The following PTPRK variants were observed in gnomAD, a reference collection of about 807,000 sequenced individuals.
PTPRK encodes protein tyrosine phosphatase receptor type K.
A neutral mutation model predicts 178.0 loss-of-function variants in PTPRK; 75 were observed. The ratio of observed to expected loss-of-function variants is 0.42; its 90% CI spans 0.35 to 0.51. The LOEUF is 0.51. Among genes scored for constraint, PTPRK ranks in the 20% least tolerant of loss-of-function variants. The pLI, the probability that PTPRK is intolerant of heterozygous loss-of-function variation, is 0.02. For missense variants in PTPRK, 1,441 were observed against 1,797.8 expected (o/e 0.80, Z 3.59); for synonymous variants, 637 against 620.6 (o/e 1.03, Z -0.39).
At chr6:128,468,504 C>G (rs1046342653) in intron 1 of PTPRK, among the ~76,000 whole-genome samples, 3 of 152,122 alleles carry the variant, frequency 2.0e-5, no homozygotes, top group Non-Finnish European at 4.4e-5. Context: ...GAATTTGCCT[C>G]TACTTGGACT....
chr6:128,350,937 G>A (rs1490667951), intron 2 of PTPRK, among the ~76,000 whole-genome samples: 1 of 152,150 alleles, frequency 6.6e-6, no homozygotes, highest in African/African-American at 2.4e-5. Context: ...AGAGTGACAA[G>A]TTTACTTCAA....
intron 6 of PTPRK, among the ~76,000 whole-genome samples, chr6:128,189,248 T>C (rs917139560): frequency 1.0e-4 from 14 of 137,228 alleles, no homozygotes; most frequent in Non-Finnish European, 2.2e-4. Flanking sequence ...TTTTTTTTTT[T>C]TTTTTTTTTT....
At chr6:128,339,187 CATTCTA>C (rs557194716) in intron 2 of PTPRK, among the ~76,000 whole-genome samples, 4 of 152,108 alleles carry the variant, frequency 2.6e-5, no homozygotes, top group Non-Finnish European at 5.9e-5. Context: ...AAATAAAATT[CATTCTA>C]AGCTTCTAAC....
chr6:128,127,566 T>A (rs1020791995), intron 7 of PTPRK, among the ~76,000 whole-genome samples: 1 of 152,258 alleles, frequency 6.6e-6, no homozygotes, highest in African/African-American at 2.4e-5. Flanking sequence ...GTCCTGCTTA[T>A]GACCTAGGAT....
At chr6:128,188,149 G>A (rs539678634) in intron 6 of PTPRK, among the ~76,000 whole-genome samples, 7 of 152,036 alleles carry the variant, frequency 4.6e-5, no homozygotes, top group East Asian at 1.9e-4. Flanking sequence ...AAACTTTGCC[G>A]ATGTTACCAA....
chr6:128,105,084 G>C (rs1789455561), intron 7 of PTPRK, among the ~76,000 whole-genome samples: 1 of 150,642 alleles, frequency 6.6e-6, no homozygotes, highest in Non-Finnish European at 1.5e-5. Flanking sequence ...TTCTCAACTA[G>C]AGAGCAAGTT....
At chr6:128,147,244 T>C (rs1002875778) in intron 7 of PTPRK, among the ~76,000 whole-genome samples, 3 of 152,148 alleles carry the variant, frequency 2.0e-5, no homozygotes, top group African/African-American at 7.2e-5. Context: ...TTAGAAATGT[T>C]TAAATATTCT....
intron 7 of PTPRK, among the ~76,000 whole-genome samples, chr6:128,147,972 T>C (rs953377476): frequency 4.0e-5 from 6 of 151,862 alleles, no homozygotes; most frequent in Non-Finnish European, 8.8e-5. Context: ...ATTTGTATGA[T>C]AGTAATGTGA....
At chr6:128,175,548 G>A (rs941889227) in intron 7 of PTPRK, among the ~76,000 whole-genome samples, 11 of 151,658 alleles carry the variant, frequency 7.3e-5, no homozygotes, top group African/African-American at 2.2e-4. Flanking sequence ...ATAATGTTCT[G>A]TAGAAACAAA....
chr6:128,146,755 T>A (rs1251246897), intron 7 of PTPRK, among the ~76,000 whole-genome samples: 1 of 152,072 alleles, frequency 6.6e-6, no homozygotes, highest in Non-Finnish European at 1.5e-5. Flanking sequence ...ACTGTTTATA[T>A]ATATATACAT....
intron 3 of PTPRK, among the ~76,000 whole-genome samples, chr6:128,244,930 TGGG>T (rs1271724794): frequency 6.6e-6 from 1 of 152,154 alleles, no homozygotes; most frequent in Non-Finnish European, 1.5e-5. Flanking sequence ...AAGCATCACT[TGGG>T]GTTAGCTCTT....
At chr6:128,017,802 G>GTATATATA (rs34836605) in intron 13 of PTPRK, among the ~76,000 whole-genome samples, 11,271 of 100,736 alleles carry the variant, frequency 0.11, 822 homozygotes, top group Non-Finnish European at 0.14. Context: ...ATATATATGT[G>GTATATATA]TATATATATA....
intron 5 of PTPRK, among the ~76,000 whole-genome samples, chr6:128,220,346 G>A (rs1275527770): frequency 6.6e-6 from 1 of 152,130 alleles, no homozygotes. Context: ...AAATGAGATT[G>A]TCAATCTAAA....
At chr6:128,345,884 G>A (rs1832365400) in intron 2 of PTPRK, among the ~76,000 whole-genome samples, 1 of 152,098 alleles carries the variant, frequency 6.6e-6, no homozygotes, top group African/African-American at 2.4e-5. Context: ...AATTAAATAT[G>A]TCTAATCCTC....
At chr6:128,091,667 CACAAATATTTA>C (rs1412067079) in intron 7 of PTPRK, among the ~76,000 whole-genome samples, 16 of 152,088 alleles carry the variant, frequency 1.1e-4, no homozygotes, top group African/African-American at 3.6e-4. Context: ...AGAGAAACAC[CACAAATATTTA>C]ACCCGCTAAT....
At chr6:128,488,586 T>C (rs536819699) in intron 1 of PTPRK, among the ~76,000 whole-genome samples, 11 of 152,290 alleles carry the variant, frequency 7.2e-5, no homozygotes, top group Admixed American at 7.2e-4. Flanking sequence ...AAGCAGATAA[T>C]TTTCTTTGAA....
At chr6:128,391,820 T>C (rs921832438) in intron 2 of PTPRK, among the ~76,000 whole-genome samples, 1 of 151,874 alleles carries the variant, frequency 6.6e-6, no homozygotes, top group Admixed American at 6.6e-5. Flanking sequence ...AAATAAATTA[T>C]TACTAAATCT....
chr6:128,445,185 A>G (rs1473223968), intron 1 of PTPRK, among the ~76,000 whole-genome samples: 5 of 136,488 alleles, frequency 3.7e-5, no homozygotes, highest in Non-Finnish European at 7.9e-5. Context: ...AAGACCCCCA[A>G]CTCTACTATT....
intron 7 of PTPRK, among the ~76,000 whole-genome samples, chr6:128,116,923 G>T (rs1791622627): frequency 6.6e-6 from 1 of 152,102 alleles, no homozygotes; most frequent in Non-Finnish European, 1.5e-5. Context: ...GAGGCGTGTG[G>T]ATCACGAGGT....
Sources: gnomAD v4.1 joint callset for allele counts (sites outside exome capture counted in the v4.1 genomes callset) on GRCh38, gnomAD v4.1.1 for gene constraint, MANE v1.5 for transcripts, NCBI Gene and HGNC (gene_info 2026-07-23, HGNC 2026-07-21) for gene names.